The following RAB4B variants were observed in gnomAD, a reference collection of about 807,000 sequenced individuals.
The protein encoded by RAB4B is RAB4B, member RAS oncogene family, also known as ras-related protein Rab-4B.
Under a neutral mutation model 28.3 loss-of-function variants are expected in RAB4B, and 15 were observed. That is an observed-to-expected ratio of 0.53 (90% confidence interval 0.35 to 0.82). The LOEUF (loss-of-function observed/expected upper bound fraction) is 0.82, where lower values mean the gene tolerates loss of function less well. Among genes scored for constraint, RAB4B ranks in the 40% least tolerant of loss-of-function variants. The pLI is 0.01. For missense variants in RAB4B, 244 were observed against 288.5 expected (o/e 0.85, Z 1.12); for synonymous variants, 108 against 116.3 (o/e 0.93, Z 0.46).
At chr19:40,783,884 T>C in intron 4 of RAB4B, 37 bp from the exon 5 acceptor site, 1 of 1,586,950 alleles carries the variant, frequency 6.3e-7, no homozygotes, top group Non-Finnish European at 8.6e-7. Flanking sequence ...GTGGTTCCTC[T>C]CCTGCACTGC....
intron 7 of RAB4B, among the ~76,000 whole-genome samples, chr19:40,789,501 C>CTT (rs60806942): frequency 0.018 from 2,039 of 116,320 alleles, 72 homozygotes; most frequent in Non-Finnish European, 0.025. Context: ...CACGCCCAGC[C>CTT]TTTTTTTTTT....
chr19:40,787,105 G>A, intron 7 of RAB4B, 127 bp downstream of exon 7: 1 of 901,834 alleles, frequency 1.1e-6, no homozygotes, highest in Non-Finnish European at 1.7e-6. Flanking sequence ...AAACACACAA[G>A]CTAAAGGAGG....
intron 1 of RAB4B, 81 bp from the exon 2 acceptor site, chr19:40,779,938 G>T: frequency 1.2e-6 from 2 of 1,608,804 alleles, no homozygotes; most frequent in Non-Finnish European, 1.7e-6. Context: ...GTTAGAGAGA[G>T]AGATTGGATT....
chr19:40,793,570 T>TTC, intron 7 of RAB4B, among the ~76,000 whole-genome samples: 1 of 102,180 alleles, frequency 9.8e-6, no homozygotes, highest in African/African-American at 2.9e-5. Flanking sequence ...CTTTTCTTTT[T>TTC]TGTTTTTTTT....
intron 7 of RAB4B, among the ~76,000 whole-genome samples, chr19:40,790,200 C>A (rs1445739777): frequency 6.6e-6 from 1 of 152,016 alleles, no homozygotes; most frequent in African/African-American, 2.4e-5. Context: ...CTGTGAGGGA[C>A]AGAGGAGGTC....
chr19:40,788,342 G>A (rs1049790078), intron 7 of RAB4B, among the ~76,000 whole-genome samples: 1 of 151,916 alleles, frequency 6.6e-6, no homozygotes, highest in African/African-American at 2.4e-5. Context: ...AAATTAGCGA[G>A]GCGTGGTGGT....
intron 7 of RAB4B, among the ~76,000 whole-genome samples, chr19:40,791,922 T>C (rs1272671283): frequency 6.6e-6 from 1 of 152,228 alleles, no homozygotes; most frequent in Non-Finnish European, 1.5e-5. Flanking sequence ...CATGAGCCAC[T>C]GCACCCGGCC....
chr19:40,791,354 C>G (rs1263007770), intron 7 of RAB4B, among the ~76,000 whole-genome samples: 3 of 152,074 alleles, frequency 2.0e-5, no homozygotes, highest in African/African-American at 7.2e-5. Flanking sequence ...CCTGTCGCTC[C>G]CTTTTTCAAA....
chr19:40,779,749 A>G, intron 1 of RAB4B: 2 of 760,616 alleles, frequency 2.6e-6, no homozygotes, highest in South Asian at 5.1e-5. Flanking sequence ...TGTCTCAAAA[A>G]AACAAAAACA....
At position 40,786,766 on chromosome 19, in the gene RAB4B, G is replaced by T. The variant is rs763843593; in HGVS notation, c.526+6G>T. ...CCTCAACAAGATTGACTCAGGTGAG[G>T]CCCCGACCGGCCCGAGTGGGAGCGA... On this transcript the variant is annotated splice_donor_region_variant and intron_variant, in intron 6 of 7. Coordinates refer to ENST00000357052, the MANE Select transcript of RAB4B (RefSeq NM_016154.5). 22 of 1,613,994 alleles carry T rather than the reference G, an allele frequency of 1.4e-5. No homozygotes were observed. The highest frequency in any genetic ancestry group is 1.8e-5 in the Non-Finnish European group (21 of 1,179,992).
At chr19:40,780,168 G>T (rs1486542909) in intron 2 of RAB4B, 69 bp downstream of exon 2, 19 of 1,591,144 alleles carry the variant, frequency 1.2e-5, no homozygotes, top group Non-Finnish European at 6.0e-6. Flanking sequence ...CTGGTGGGCA[G>T]CCGGTGGGGA....
chr19:40,789,491 C>CGCACCTGGCCAAGAGTGTACATTTAA, intron 7 of RAB4B, among the ~76,000 whole-genome samples: 1 of 148,978 alleles, frequency 6.7e-6, no homozygotes, highest in South Asian at 2.1e-4. Flanking sequence ...CGGGAGCCAC[C>CGCACCTGGCCAAGAGTGTACATTTAA]ACGCCCAGCC....
chr19:40,794,365 G>A (rs2083188505), intron 7 of RAB4B, among the ~76,000 whole-genome samples: 1 of 151,992 alleles, frequency 6.6e-6, no homozygotes, highest in South Asian at 2.1e-4. Context: ...ATGAGCCACT[G>A]CGCCCGGCCT....
chr19:40,778,401 G>A lies in RAB4B; in HGVS notation c.16+10G>A. Reference sequence around the variant, plus strand: ...ATGGCTGAGACCTACGGTGAGGGTGGTGGACGAAGCTGGGGTCCTGGGTCT... The same window carrying A: ...ATGGCTGAGACCTACGGTGAGGGTGATGGACGAAGCTGGGGTCCTGGGTCT... On this transcript the variant is annotated intron_variant, in intron 1 of 7. Transcript: ENST00000357052. 1.4e-6 allele frequency: 2 copies of A among 1,462,704 alleles called. No homozygotes were observed. The highest frequency in any genetic ancestry group is 2.8e-5 in the Admixed American group (1 of 35,628). 90.6% of individuals were successfully genotyped at this position (1,462,704 alleles called of 1,614,324 possible).
chr19:40,790,383 T>C (rs542737900), intron 7 of RAB4B, among the ~76,000 whole-genome samples: 6 of 151,698 alleles, frequency 4.0e-5, no homozygotes, highest in Non-Finnish European at 5.9e-5. Flanking sequence ...CCTGTCTTTT[T>C]ATTTTGAGAC....
rs1445544154 is a variant in RAB4B, at chr19:40,780,023, C to T, written c.21C>T (p.Phe7=). 1.9e-6 allele frequency: 3 copies of T among 1,612,072 alleles called. No individual in the cohort carries two copies. The highest frequency in any genetic ancestry group is 2.5e-6 in the Non-Finnish European group (3 of 1,178,108). The part of the protein sequence containing the change: MAETYD[F]LFKFLVIGSA... ...ATTTTGGCTCCATCTGGTCAGACTTCCTCTTCAAATTCCTGGTGATTGGCA... is the reference window on the plus strand; with the variant it reads ...ATTTTGGCTCCATCTGGTCAGACTTTCTCTTCAAATTCCTGGTGATTGGCA... The change falls in exon 2 of 8, where the codon TTC becomes TTT. Residue 7 remains phenylalanine (F), a synonymous_variant. Coordinates refer to ENST00000357052, the MANE Select transcript of RAB4B (RefSeq NM_016154.5).
intron 1 of RAB4B, 128 bp from the exon 2 acceptor site, chr19:40,779,891 T>C: frequency 6.4e-7 from 1 of 1,560,812 alleles, no homozygotes; most frequent in Non-Finnish European, 8.7e-7. Context: ...TTGGTTTGTT[T>C]CTGCCTATGT....
At chr19:40,782,020 CAAAAA>C (rs56884543) in intron 3 of RAB4B, among the ~76,000 whole-genome samples, 2,595 of 108,712 alleles carry the variant, frequency 0.024, 33 homozygotes, top group Non-Finnish European at 0.034. Context: ...GGCTCCGTTT[CAAAAA>C]AAAAAAAAAA....
At chr19:40,789,958 G>T (rs942350013) in intron 7 of RAB4B, among the ~76,000 whole-genome samples, 9 of 152,220 alleles carry the variant, frequency 5.9e-5, no homozygotes, top group Non-Finnish European at 1.2e-4. Flanking sequence ...GTGTCGGTGA[G>T]GGTGACCAAA....
Sources: allele counts gnomAD v4.1 joint callset (sites outside exome capture counted in the v4.1 genomes callset), GRCh38; gene constraint gnomAD v4.1.1; transcripts MANE v1.5; gene names NCBI Gene and HGNC (gene_info 2026-07-23, HGNC 2026-07-21).